The following SLC43A2 variants were observed in gnomAD, a reference collection of about 807,000 sequenced individuals.
SLC43A2 encodes large neutral amino acids transporter small subunit 4.
A neutral mutation model predicts 63.2 loss-of-function variants in SLC43A2; 38 were observed. That is an observed-to-expected ratio of 0.60 (90% confidence interval 0.46 to 0.79). SLC43A2 has a LOEUF of 0.79. Among genes scored for constraint, SLC43A2 ranks in the 30% least tolerant of loss-of-function variants. SLC43A2 has a pLI of 0.00. For synonymous variants in SLC43A2, 322 were observed against 331.0 expected (o/e 0.97, Z 0.30); for missense variants, 644 against 756.2 (o/e 0.85, Z 1.74).
intron 4 of SLC43A2, among the ~76,000 whole-genome samples, chr17:1,613,515 C>T (rs1050737406): frequency 1.2e-4 from 19 of 152,134 alleles, no homozygotes; most frequent in Admixed American, 4.6e-4. Flanking sequence ...TGCAATGGCA[C>T]GATCCTGGCT....
At chr17:1,602,635 G>A (rs1906164111) in intron 5 of SLC43A2, among the ~76,000 whole-genome samples, 1 of 151,798 alleles carries the variant, frequency 6.6e-6, no homozygotes, top group African/African-American at 2.4e-5. Flanking sequence ...GACAGAGCGA[G>A]ACTCTTGTCT....
In SLC43A2 at chr17:1,593,400, C is replaced by T. The variant is rs1905002346; in HGVS notation, c.502-121G>A. On this transcript the variant is annotated intron_variant, in intron 5 of 13. Transcript: ENST00000301335. This position sits in a 1 kb window ranked among gnomAD's most constrained non-coding sequence, Gnocchi z 5.3. ...TTCACCTGCGCCCCTTCCTGTGTGA[C>T]TCACAGGGGCATTAGTTCAGGGGCA... 3 of 844,720 alleles carry T rather than the reference C, an allele frequency of 3.6e-6. No homozygotes were observed. Among genetic ancestry groups the T allele is most frequent in the Admixed American group, 2.1e-5 (1 of 48,376 alleles). 52.3% of individuals were successfully genotyped at this position (844,720 alleles called of 1,614,324 possible). A position where few individuals can be genotyped will look rare whatever the true frequency, so the allele number is the denominator to read the frequency against.
At chr17:1,591,729 G>GGC (rs1567622497) in intron 6 of SLC43A2, 30 bp from the exon 7 acceptor site, 6 of 854,780 alleles carry the variant, frequency 7.0e-6, no homozygotes, top group African/African-American at 2.0e-5. Context: ...CGGGGTGGGG[G>GGC]GGGGAGGGGG....
chr17:1,596,739 C>T (rs1023382601), intron 5 of SLC43A2, among the ~76,000 whole-genome samples: 5 of 152,044 alleles, frequency 3.3e-5, no homozygotes, highest in Non-Finnish European at 5.9e-5. Flanking sequence ...TGTGCCACCA[C>T]GCCCAGCTAT....
chr17:1,583,436 G>T lies in SLC43A2; in HGVS notation c.1218-100C>A, dbSNP rs1259151207. 6.4e-7 allele frequency: 1 copy of T among 1,557,328 alleles called. No homozygotes were observed. The highest frequency in any genetic ancestry group is 8.7e-7 in the Non-Finnish European group (1 of 1,151,994). On this transcript the variant is annotated intron_variant, in intron 10 of 13. Coordinates refer to ENST00000301335, the MANE Select transcript of SLC43A2 (RefSeq NM_152346.3). This position sits in a 1 kb window ranked among gnomAD's most constrained non-coding sequence, Gnocchi z 5.5. ...CAAGCGTCGCAGCAGGTAAACTGAC[G>T]CAAGACTCAGAAGCCACCCAGGCAC...
chr17:1,602,083 CA>C (rs1196669502), intron 5 of SLC43A2, among the ~76,000 whole-genome samples: 1 of 152,202 alleles, frequency 6.6e-6, no homozygotes, highest in African/African-American at 2.4e-5. Flanking sequence ...GTGACTACCC[CA>C]GGTGTGCGCC....
At chr17:1,598,437 G>T (rs1032292080) in intron 5 of SLC43A2, among the ~76,000 whole-genome samples, 3 of 151,520 alleles carry the variant, frequency 2.0e-5, no homozygotes, top group African/African-American at 7.3e-5. Context: ...AAAAAAAAGG[G>T]AGGCCCAGAG....
At chr17:1,607,852 A>T (rs1906757395) in intron 5 of SLC43A2, among the ~76,000 whole-genome samples, 2 of 151,592 alleles carry the variant, frequency 1.3e-5, no homozygotes, top group Non-Finnish European at 2.9e-5. Context: ...AGTCGTGGGG[A>T]CTACAGGCGC....
intron 5 of SLC43A2, among the ~76,000 whole-genome samples, chr17:1,609,970 C>T (rs548889042): frequency 4.0e-5 from 6 of 151,764 alleles, no homozygotes; most frequent in African/African-American, 7.3e-5. Context: ...AATGCAATGC[C>T]GCGGTCTCGG....
At position 1,593,199 on chromosome 17, in the gene SLC43A2, A is replaced by G; in HGVS notation, c.582T>C (p.Phe194=). The change falls in exon 6 of 14, where the codon TTT becomes TTC. Residue 194 remains phenylalanine, a synonymous_variant. Transcript: ENST00000301335. The surrounding 1 kb of genome is among the most constrained non-coding windows in gnomAD (Gnocchi z 5.3). ...IGSYASSAVT[F]PGIKLIYDAG... ...TACACGTGCTCACCTTGATTCCTGG[A>G]AAGGTGACTGCCGAGGAGGCGTAGG... The G allele has an allele frequency of 1.2e-6, 2 of 1,613,888 alleles. No homozygotes were observed. The highest frequency in any genetic ancestry group is 1.7e-6 in the Non-Finnish European group (2 of 1,179,910).
At chr17:1,594,963 A>G (rs990122110) in intron 5 of SLC43A2, among the ~76,000 whole-genome samples, 10 of 151,974 alleles carry the variant, frequency 6.6e-5, no homozygotes, top group African/African-American at 2.4e-4. Context: ...GCTGCCTTTG[A>G]CCTCAGAGTT....
At chr17:1,607,717 T>C (rs1906742635) in intron 5 of SLC43A2, among the ~76,000 whole-genome samples, 1 of 151,792 alleles carries the variant, frequency 6.6e-6, no homozygotes, top group South Asian at 2.1e-4. Flanking sequence ...GGCCAGACAA[T>C]AGACTTTTTT....
chr17:1,591,713 CGGGGACGGGGTGGGGG>C lies in SLC43A2; in HGVS notation c.595-30_595-15del. 1 of 154,060 alleles carries C rather than the reference CGGGGACGGGGTGGGGG, an allele frequency of 6.5e-6. No individual in the cohort carries two copies. Among genetic ancestry groups the C allele is most frequent in the Non-Finnish European group, 1.1e-5 (1 of 92,374 alleles). 9.5% of individuals were successfully genotyped at this position (154,060 alleles called of 1,614,324 possible). ...ATCATAGATGAGCTGACAGGCACCG[CGGGGACGGGGTGGGGG>C]GGGGAGGGGGCAGAGTTAGCCCGGG... On this transcript the variant is annotated splice_polypyrimidine_tract_variant and intron_variant, in intron 6 of 13. Transcript: ENST00000301335.
At chr17:1,616,863 G>A (rs925912126) in intron 2 of SLC43A2, 94 bp from the exon 3 acceptor site, 37 of 1,405,950 alleles carry the variant, frequency 2.6e-5, no homozygotes, top group African/African-American at 5.7e-5. Flanking sequence ...TCCCCCCACT[G>A]GGAATGCCAG....
rs80191402 is a variant in SLC43A2 at position 1,627,749 on chromosome 17, T to C, written c.126A>G (p.Ser42=). 9,579 of 1,563,642 alleles carry C rather than the reference T, an allele frequency of 6.1e-3. 273 individuals carry two copies. In the African/African-American group the frequency reaches 0.083, roughly 13 times the overall value. ...GWGSLLIMLK[S]EGFYSYLCTE... is the part of the protein sequence containing the mutation. The stretch of plus-strand genomic sequence containing the variant: ...TACACAGGTAGGAGTAAAAGCCCTC[T>C]GACTTGAGCATGATGAGCAGCGAGC... Residue 42 remains serine, a synonymous_variant, in exon 2 of 14, where the codon TCA becomes TCG. Transcript: ENST00000301335.
rs984696683 is a variant in SLC43A2 at position 1,593,799 on chromosome 17, C to T, written c.502-520G>A. On this transcript the variant is annotated intron_variant, in intron 5 of 13. Transcript: ENST00000301335. The surrounding 1 kb of genome is among the most constrained non-coding windows in gnomAD (Gnocchi z 5.3). ...TCAATCAGAATTCTACAGTTCTCTT[C>T]GGTCTGAGGATGAAGCTGGCCCAGG... 3.9e-5 allele frequency among the ~76,000 whole-genome samples: 6 copies of T among 152,224 alleles called. No individual in the cohort carries two copies. The East Asian group carries it at 1.2e-3, about 29-fold the overall frequency.
chr17:1,586,928 T>TGGGCCCCACCC, intron 9 of SLC43A2: 1 of 1,232,914 alleles, frequency 8.1e-7, no homozygotes, highest in Non-Finnish European at 1.1e-6. Flanking sequence ...TCCCTGACAA[T>TGGGCCCCACCC]CCCCCCCACC....
Position 1,593,131 on chromosome 17 carries a change from G to A in SLC43A2, c.594+56C>T, listed in dbSNP as rs1051375754. ...ATTGCCTCCCTCTTCAGAGAGGGTG[G>A]AAGGAGCCTGGAGCAGGCCTCTGCA... On this transcript the variant is annotated intron_variant, in intron 6 of 13. Coordinates refer to ENST00000301335, the MANE Select transcript of SLC43A2 (RefSeq NM_152346.3). The surrounding 1 kb of genome is among the most constrained non-coding windows in gnomAD (Gnocchi z 5.3). The A allele has an allele frequency of 1.9e-6, 3 of 1,545,876 alleles. No individual in the cohort carries two copies. The African/African-American group carries it at 4.1e-5, about 21-fold the overall frequency.
Position 1,595,280 on chromosome 17 carries a change from C to CA in SLC43A2, c.502-2002dup, listed in dbSNP as rs200256211. The stretch of plus-strand genomic sequence containing the variant: ...TGGGTGACAGAGCGAGACTCTGTGT[C>CA]AAAAAAAAAAAAAGAGAGAGAGAGA... On this transcript the variant is annotated intron_variant, in intron 5 of 13. Transcript: ENST00000301335. 9.5e-4 allele frequency among the ~76,000 whole-genome samples: 126 copies of CA among 133,222 alleles called. 1 individual carries two copies. The highest frequency in any genetic ancestry group is 1.7e-3 in the South Asian group (7 of 4,210). 87.4% of individuals were successfully genotyped at this position (133,222 alleles called of 152,430 possible). A position where few individuals can be genotyped will look rare whatever the true frequency, so the allele number is the denominator to read the frequency against.
Sources: allele counts gnomAD v4.1 joint callset (sites outside exome capture counted in the v4.1 genomes callset), GRCh38; gene constraint gnomAD v4.1.1; non-coding constraint Gnocchi (gnomAD v3.1); transcripts MANE v1.5; gene names NCBI Gene and HGNC (gene_info 2026-07-23, HGNC 2026-07-21).